The following EZH2 variants were observed in gnomAD, a reference collection of about 807,000 sequenced individuals.
EZH2 encodes the protein histone-lysine N-methyltransferase EZH2.
A neutral mutation model predicts 98.4 loss-of-function variants in EZH2; 18 were observed. That is an observed-to-expected ratio of 0.18 (90% CI 0.13 to 0.27). The LOEUF (loss-of-function observed/expected upper bound fraction) is 0.27, where lower values mean the gene tolerates loss of function less well. EZH2 is among the 10% of genes least tolerant of loss of function. The pLI is 1.00. For missense variants in EZH2, 470 were observed against 935.1 expected (o/e 0.50, Z 6.49); for synonymous variants, 338 against 312.3 (o/e 1.08, Z -0.87).
intron 1 of EZH2, among the ~76,000 whole-genome samples, chr7:148,882,831 T>C (rs1563085247): frequency 6.6e-6 from 1 of 152,222 alleles, no homozygotes. Flanking sequence ...AATTTAAATG[T>C]TACAGATCCT....
At chr7:148,853,579 G>A (rs1017083660) in intron 1 of EZH2, among the ~76,000 whole-genome samples, 2 of 152,170 alleles carry the variant, frequency 1.3e-5, no homozygotes, top group Non-Finnish European at 2.9e-5. Flanking sequence ...GGCCACAGAC[G>A]GGTACCAGTC....
At chr7:148,881,476 G>A (rs554141990) in intron 1 of EZH2, among the ~76,000 whole-genome samples, 1 of 152,220 alleles carries the variant, frequency 6.6e-6, no homozygotes, top group East Asian at 1.9e-4. Context: ...TGTGTTTTAA[G>A]TCACTGCTAC....
intron 1 of EZH2, chr7:148,883,616 A>C (rs1821353173): frequency 7.0e-6 from 1 of 143,130 alleles, no homozygotes; most frequent in Non-Finnish European, 1.5e-5. Flanking sequence ...GCGCCTCCCC[A>C]CGCCCCTCTC....
At chr7:148,829,970 T>C in intron 4 of EZH2, 122 bp from the exon 5 acceptor site, 1 of 615,000 alleles carries the variant, frequency 1.6e-6, no homozygotes. Flanking sequence ...TTTAAAATAC[T>C]AGTCAGAGAG....
chr7:148,833,685 C>T (rs1247954848), intron 3 of EZH2, among the ~76,000 whole-genome samples: 1 of 152,136 alleles, frequency 6.6e-6, no homozygotes, highest in Admixed American at 6.5e-5. Context: ...TTACTAAGTA[C>T]TTTCTATGTG....
intron 3 of EZH2, among the ~76,000 whole-genome samples, chr7:148,833,917 C>T (rs1214706423): frequency 1.3e-5 from 2 of 152,118 alleles, no homozygotes; most frequent in African/African-American, 4.8e-5. Context: ...TGCCATGATA[C>T]CATATTGCTA....
intron 1 of EZH2, among the ~76,000 whole-genome samples, chr7:148,872,359 A>G (rs1031020856): frequency 8.5e-5 from 13 of 152,228 alleles, no homozygotes; most frequent in Admixed American, 5.9e-4. Context: ...ATTAGTGCTC[A>G]ATGGGTACAG....
intron 1 of EZH2, among the ~76,000 whole-genome samples, chr7:148,853,420 A>C (rs1261951012): frequency 6.6e-6 from 1 of 152,122 alleles, no homozygotes; most frequent in Non-Finnish European, 1.5e-5. Context: ...CCGTCTCCAA[A>C]AAAAAAAGAT....
intron 12 of EZH2, 129 bp downstream of exon 12, chr7:148,816,555 T>C (rs1240852567): frequency 3.2e-6 from 2 of 633,894 alleles, no homozygotes; most frequent in African/African-American, 3.7e-5. Context: ...TCCATAGTTC[T>C]GTTTTTGATG....
intron 3 of EZH2, among the ~76,000 whole-genome samples, chr7:148,841,064 G>C (rs533570262): frequency 4.6e-5 from 7 of 152,046 alleles, no homozygotes; most frequent in African/African-American, 1.7e-4. Context: ...GCCTAAATTT[G>C]ACTTTTTAAA....
intron 3 of EZH2, among the ~76,000 whole-genome samples, 195 bp downstream of exon 3, chr7:148,846,275 C>T (rs1214157321): frequency 6.6e-6 from 1 of 151,880 alleles, no homozygotes; most frequent in Non-Finnish European, 1.5e-5. Flanking sequence ...ATATTCCAAA[C>T]ACTTAGAACT....
chr7:148,825,753 G>GA (rs1489581106), intron 8 of EZH2, among the ~76,000 whole-genome samples: 1 of 151,896 alleles, frequency 6.6e-6, no homozygotes, highest in African/African-American at 2.4e-5. Context: ...TACAATATAG[G>GA]AAAAACCAAA....
intron 8 of EZH2, 87 bp downstream of exon 8, chr7:148,826,364 AATG>A (rs1807714419): frequency 1.0e-6 from 1 of 1,002,404 alleles, no homozygotes; most frequent in African/African-American, 1.7e-5. Context: ...TACAAGATTA[AATG>A]ATAAATTCTA....
intron 1 of EZH2, 115 bp downstream of exon 1, chr7:148,884,049 C>T (rs1563087404): frequency 6.6e-6 from 1 of 152,190 alleles, no homozygotes; most frequent in Non-Finnish European, 1.5e-5. Flanking sequence ...GTGAGCCCCG[C>T]TCGGCGATAC....
intron 9 of EZH2, 127 bp from the exon 10 acceptor site, chr7:148,818,244 A>G (rs1805112714): frequency 2.0e-6 from 2 of 975,734 alleles, no homozygotes; most frequent in African/African-American, 3.3e-5. Context: ...ATCACAAATA[A>G]TCATTTGCAT....
intron 8 of EZH2, among the ~76,000 whole-genome samples, chr7:148,821,224 C>T (rs901959579): frequency 5.9e-5 from 9 of 152,070 alleles, no homozygotes. Flanking sequence ...TAAGAATGTA[C>T]TGAGAAACTG....
rs1164800336 is a variant in EZH2, at chr7:148,828,942, C to G, written c.485-62G>C. 7 of 1,512,104 alleles carry G rather than the reference C, an allele frequency of 4.6e-6. No homozygotes were observed. The Middle Eastern group carries it at 6.8e-4, about 146-fold the overall frequency. The allele number at this position is 1,512,104 out of a possible 1,614,324, so 93.7% of individuals were successfully genotyped here. A position where few individuals can be genotyped will look rare whatever the true frequency, so the allele number is the denominator to read the frequency against. On this transcript the variant is annotated intron_variant, in intron 5 of 19. Transcript: ENST00000320356. ...GCAATAATGTCAAAAGTTTATGTAT[C>G]CTTTTTCTACTTGGACAAAACAGGC...
chr7:148,844,389 A>G (rs1258703621), intron 3 of EZH2, among the ~76,000 whole-genome samples: 1 of 152,194 alleles, frequency 6.6e-6, no homozygotes, highest in Non-Finnish European at 1.5e-5. Flanking sequence ...CTGGCTTCTA[A>G]AAGTCAGTGG....
At chr7:148,818,146 G>A (rs2129471882) in intron 9 of EZH2, 29 bp from the exon 10 acceptor site, 5 of 1,520,634 alleles carry the variant, frequency 3.3e-6, no homozygotes, top group Non-Finnish European at 4.4e-6. Flanking sequence ...CAACATCAGG[G>A]CAAAGTTCTA....
Sources: allele counts gnomAD v4.1 joint callset (sites outside exome capture counted in the v4.1 genomes callset), GRCh38; gene constraint gnomAD v4.1.1; transcripts MANE v1.5; gene names NCBI Gene and HGNC (gene_info 2026-07-23, HGNC 2026-07-21).